Variants in CTNNA3 observed in about 807,000 individuals in gnomAD.
CTNNA3 encodes the protein catenin alpha 3.
A neutral mutation model predicts 95.7 loss-of-function variants in CTNNA3; 76 were observed. The observed-to-expected ratio is 0.79, with a 90% CI of 0.66 to 0.96. CTNNA3 has a LOEUF of 0.96. CTNNA3 is among the 40% of genes least tolerant of loss of function. The pLI is 0.00. For synonymous variants in CTNNA3, 431 were observed against 374.4 expected, an observed-to-expected ratio of 1.15 and a Z score of -1.74; for missense variants, 1,191 against 1,089.8, an observed-to-expected ratio of 1.09 and a Z score of -1.31.
intron 11 of CTNNA3, among the ~76,000 whole-genome samples, chr10:66,457,098 A>C (rs1417737696): frequency 6.6e-6 from 1 of 152,126 alleles, no homozygotes; most frequent in African/African-American, 2.4e-5. Flanking sequence ...TGTCTCAAAA[A>C]ATGGAAAAAA....
At chr10:66,010,707 T>C (rs1479114696) in intron 15 of CTNNA3, among the ~76,000 whole-genome samples, 1 of 152,210 alleles carries the variant, frequency 6.6e-6, no homozygotes, top group Admixed American at 6.5e-5. Flanking sequence ...TCAAAGATTA[T>C]GTTCAGATTA....
intron 11 of CTNNA3, among the ~76,000 whole-genome samples, chr10:66,417,197 G>C (rs912615280): frequency 4.6e-5 from 7 of 151,896 alleles, no homozygotes; most frequent in African/African-American, 1.7e-4. Flanking sequence ...AATAGAAAAA[G>C]ATATTTAACT....
At position 66,542,550 on chromosome 10, in the gene CTNNA3, A is replaced by T. The variant is rs796290354; in HGVS notation, c.1375-21777T>A. Reference sequence around the variant, plus strand: ...GTGGCACATATACACCATGGAATACAATGCAGCCATAAAAATGATGAGTTC... The same window carrying T: ...GTGGCACATATACACCATGGAATACTATGCAGCCATAAAAATGATGAGTTC... On this transcript the variant is annotated intron_variant, in intron 10 of 17. Coordinates refer to ENST00000433211, the MANE Select transcript of CTNNA3 (RefSeq NM_013266.4). Among the ~76,000 whole-genome samples, 6 of 152,188 alleles carry T rather than the reference A, an allele frequency of 3.9e-5. No homozygotes were observed. In the South Asian group the frequency reaches 8.3e-4, roughly 21 times the overall value.
intron 11 of CTNNA3, among the ~76,000 whole-genome samples, chr10:66,457,127 C>G (rs557708012): frequency 5.3e-5 from 8 of 151,996 alleles, no homozygotes. Context: ...AACAAAAAAA[C>G]CTTTACAACT....
intron 7 of CTNNA3, among the ~76,000 whole-genome samples, chr10:67,148,048 G>A (rs1860922988): frequency 6.6e-6 from 1 of 152,082 alleles, no homozygotes; most frequent in East Asian, 1.9e-4. Context: ...CCCTTATGAT[G>A]GGAAGAGAAA....
chr10:67,341,153 G>A (rs532506477), intron 5 of CTNNA3, among the ~76,000 whole-genome samples: 166 of 152,190 alleles, frequency 1.1e-3, no homozygotes, highest in African/African-American at 3.7e-3. Context: ...ATGGAGGATG[G>A]GGTATCAATT....
At chr10:66,221,992 C>T (rs2088958541) in intron 13 of CTNNA3, among the ~76,000 whole-genome samples, 1 of 152,170 alleles carries the variant, frequency 6.6e-6, no homozygotes, top group Middle Eastern at 3.4e-3. Context: ...AAGGGCCTTG[C>T]ATTTTTATGA....
intron 11 of CTNNA3, among the ~76,000 whole-genome samples, chr10:66,516,871 C>T (rs1840877878): frequency 6.6e-6 from 1 of 152,146 alleles, no homozygotes; most frequent in African/African-American, 2.4e-5. Context: ...AGATGCAATG[C>T]TTTAAGATGC....
intron 7 of CTNNA3, among the ~76,000 whole-genome samples, chr10:66,995,052 C>G (rs1851253117): frequency 6.6e-6 from 1 of 152,168 alleles, no homozygotes; most frequent in Non-Finnish European, 1.5e-5. Flanking sequence ...ACTCCTAAAT[C>G]TAGATCTCTA....
chr10:66,743,805 G>A (rs10762102), intron 9 of CTNNA3, among the ~76,000 whole-genome samples: 76,312 of 151,354 alleles, frequency 0.5, 19,493 homozygotes, highest in African/African-American at 0.58. Context: ...GTGAAATCCC[G>A]TCTCTGCCAA....
At chr10:67,012,718 T>C (rs1292461273) in intron 7 of CTNNA3, among the ~76,000 whole-genome samples, 3 of 152,182 alleles carry the variant, frequency 2.0e-5, no homozygotes, top group African/African-American at 7.2e-5. Context: ...CTTTGATGTA[T>C]TTCCAGCTTC....
Position 66,421,577 on chromosome 10 carries a change from G to C in CTNNA3, c.1532-42225C>G, listed in dbSNP as rs143909807. 4.9e-3 allele frequency among the ~76,000 whole-genome samples: 744 copies of C among 151,994 alleles called. 6 individuals are homozygous for C. The highest frequency in any genetic ancestry group is 0.012 in the African/African-American group (495 of 41,470). ...GTGAAATTTTAGGCTGGATGCAGTA[G>C]CTCACACCTGTATTCCCAGCACTTT... is the stretch of plus-strand genomic sequence containing the variant. On this transcript the variant is annotated intron_variant, in intron 11 of 17. Transcript: ENST00000433211.
At chr10:66,134,153 A>G (rs901760434) in intron 13 of CTNNA3, among the ~76,000 whole-genome samples, 1 of 152,108 alleles carries the variant, frequency 6.6e-6, no homozygotes, top group Non-Finnish European at 1.5e-5. Context: ...TGTATAAAAA[A>G]CTCATAAAAA....
intron 8 of CTNNA3, among the ~76,000 whole-genome samples, chr10:66,770,951 C>T (rs1253887593): frequency 6.6e-6 from 1 of 151,942 alleles, no homozygotes; most frequent in Non-Finnish European, 1.5e-5. Context: ...ATTAAATGTA[C>T]TAATAATTAT....
chr10:67,585,198 T>A (rs1391728803), intron 3 of CTNNA3, among the ~76,000 whole-genome samples: 1 of 152,136 alleles, frequency 6.6e-6, no homozygotes, highest in Non-Finnish European at 1.5e-5. Flanking sequence ...TTGGAACCCT[T>A]AATCCAGTGT....
intron 5 of CTNNA3, among the ~76,000 whole-genome samples, chr10:67,450,838 C>T (rs1846952838): frequency 6.6e-6 from 1 of 151,436 alleles, no homozygotes; most frequent in African/African-American, 2.4e-5. Context: ...GAAAAAAAGA[C>T]TTTATTCTAG....
chr10:67,434,314 G>T (rs1846223684), intron 5 of CTNNA3, among the ~76,000 whole-genome samples: 2 of 151,940 alleles, frequency 1.3e-5, no homozygotes, highest in African/African-American at 4.8e-5. Context: ...TTGTAAGGTT[G>T]TCATTAGTAC....
chr10:67,012,352 G>T (rs1286715036), intron 7 of CTNNA3: 1 of 152,078 alleles, frequency 6.6e-6, no homozygotes, highest in East Asian at 1.9e-4. Context: ...CCCACCTACA[G>T]GTCAGTCCTC....
chr10:66,905,719 C>T (rs1047348641), intron 7 of CTNNA3, among the ~76,000 whole-genome samples: 2 of 152,018 alleles, frequency 1.3e-5, no homozygotes, highest in African/African-American at 2.4e-5. Flanking sequence ...ACATGCATTA[C>T]GCTAAGTGAA....
Sources: gnomAD v4.1 joint callset for allele counts (sites outside exome capture counted in the v4.1 genomes callset) on GRCh38, gnomAD v4.1.1 for gene constraint, MANE v1.5 for transcripts, NCBI Gene and HGNC (gene_info 2026-07-23, HGNC 2026-07-21) for gene names.